The following MARCHF1 variants were observed in gnomAD, a reference collection of about 807,000 sequenced individuals.
MARCHF1 encodes E3 ubiquitin-protein ligase MARCHF1.
In MARCHF1, 40 loss-of-function variants were observed where a neutral mutation model predicts 54.2. That is an observed-to-expected ratio of 0.74 (90% CI 0.57 to 0.96). The LOEUF (loss-of-function observed/expected upper bound fraction) is 0.96. Among genes scored for constraint, MARCHF1 ranks in the 40% least tolerant of loss-of-function variants. MARCHF1 has a pLI of 0.00. For synonymous variants in MARCHF1, 236 were observed against 236.3 expected, an observed-to-expected ratio of 1.00 and a Z score of 0.01; for missense variants, 586 against 656.5, an observed-to-expected ratio of 0.89 and a Z score of 1.17.
At chr4:164,377,257 A>G (rs1054010645) in intron 1 of MARCHF1, among the ~76,000 whole-genome samples, 2 of 152,236 alleles carry the variant, frequency 1.3e-5, no homozygotes. Flanking sequence ...TAAATCATAT[A>G]TCTCTAACAA....
At chr4:164,145,330 G>C (rs983908891) in intron 1 of MARCHF1, among the ~76,000 whole-genome samples, 2 of 151,994 alleles carry the variant, frequency 1.3e-5, no homozygotes, top group African/African-American at 2.4e-5. Context: ...TATGAGGCCA[G>C]CATCATCCTG....
At chr4:164,014,067 C>G (rs1168538608) in intron 2 of MARCHF1, among the ~76,000 whole-genome samples, 5 of 151,930 alleles carry the variant, frequency 3.3e-5, no homozygotes, top group African/African-American at 1.2e-4. Context: ...TGATGCACCT[C>G]TGTACTCCCA....
At chr4:163,670,506 AC>A (rs1471182282) in intron 5 of MARCHF1, among the ~76,000 whole-genome samples, 54 of 150,906 alleles carry the variant, frequency 3.6e-4, no homozygotes, top group Non-Finnish European at 6.5e-4. Flanking sequence ...ATATTTTCTT[AC>A]TTTGTACATT....
At chr4:163,847,956 A>C (rs1021647070) in intron 4 of MARCHF1, among the ~76,000 whole-genome samples, 2 of 152,150 alleles carry the variant, frequency 1.3e-5, no homozygotes, top group Admixed American at 6.6e-5. Context: ...TAAATAACCT[A>C]AAAATTAGAA....
chr4:164,340,405 T>TTTTTTATATATATATATATA (rs1327005165), intron 1 of MARCHF1, among the ~76,000 whole-genome samples: 2 of 95,654 alleles, frequency 2.1e-5, no homozygotes, highest in East Asian at 7.9e-4. Flanking sequence ...AGGCCTTGAT[T>TTTTTTATATATATATATATA]TATATATAGA....
At chr4:164,142,518 A>G (rs1560924166) in intron 1 of MARCHF1, among the ~76,000 whole-genome samples, 1 of 151,836 alleles carries the variant, frequency 6.6e-6, no homozygotes, top group African/African-American at 2.4e-5. Context: ...CTGACCCCTG[A>G]CCCCCCAGCA....
At position 163,717,669 on chromosome 4, in the gene MARCHF1, A is replaced by AC. The variant is rs1203332576; in HGVS notation, c.112-16807dup. Among the ~76,000 whole-genome samples the AC allele has an allele frequency of 7.2e-5, 11 of 152,248 alleles. No homozygotes were observed. In the East Asian group the frequency reaches 2.1e-3, roughly 29 times the overall value. ...CCTCTCCAGCACCTGTTGTTTCCTG[A>AC]CTTTTTAACGACCGCCATTCTAACT... On this transcript the variant is annotated intron_variant, in intron 4 of 9. Transcript: ENST00000514618.
chr4:164,239,629 TG>T (rs939886751), intron 1 of MARCHF1, among the ~76,000 whole-genome samples: 3 of 152,104 alleles, frequency 2.0e-5, no homozygotes, highest in Non-Finnish European at 4.4e-5. Context: ...ATAAGTGTTT[TG>T]ACAAAATTTG....
intron 4 of MARCHF1, among the ~76,000 whole-genome samples, chr4:163,789,310 A>G (rs1289339348): frequency 6.6e-6 from 1 of 151,998 alleles, no homozygotes; most frequent in African/African-American, 2.4e-5. Context: ...AAACACATGG[A>G]CATGTAGAAG....
chr4:163,989,456 T>C (rs922950912), intron 2 of MARCHF1, among the ~76,000 whole-genome samples: 1 of 152,142 alleles, frequency 6.6e-6, no homozygotes, highest in Non-Finnish European at 1.5e-5. Flanking sequence ...TAGAGCTCTA[T>C]ACTACTCATT....
chr4:164,170,669 G>A (rs1263303046), intron 1 of MARCHF1, among the ~76,000 whole-genome samples: 4 of 152,118 alleles, frequency 2.6e-5, no homozygotes, highest in African/African-American at 4.8e-5. Context: ...TTTGGTGGGA[G>A]AAGCCTTCCC....
intron 4 of MARCHF1, among the ~76,000 whole-genome samples, chr4:163,758,743 C>T (rs1255487578): frequency 6.6e-6 from 1 of 152,134 alleles, no homozygotes; most frequent in African/African-American, 2.4e-5. Flanking sequence ...CACTGAATAA[C>T]GTGGGCTTGG....
chr4:164,142,481 C>G (rs571176858), intron 1 of MARCHF1, among the ~76,000 whole-genome samples: 19 of 152,118 alleles, frequency 1.2e-4, no homozygotes, highest in African/African-American at 3.4e-4. Context: ...ATCTGAGAAC[C>G]AGCAGACAGC....
intron 1 of MARCHF1, among the ~76,000 whole-genome samples, chr4:164,183,299 C>G (rs769509800): frequency 1.3e-5 from 2 of 152,066 alleles, no homozygotes; most frequent in Non-Finnish European, 2.9e-5. Context: ...TTAACTTTCC[C>G]AATGTAATGC....
intron 3 of MARCHF1, chr4:163,933,137 T>C (rs1330108929): frequency 4.2e-6 from 4 of 955,818 alleles, no homozygotes; most frequent in East Asian, 6.4e-5. Flanking sequence ...ATACACTGAA[T>C]GAAGATTCAT....
intron 1 of MARCHF1, among the ~76,000 whole-genome samples, chr4:164,301,222 A>G (rs570718998): frequency 4.0e-4 from 61 of 152,336 alleles, no homozygotes; most frequent in African/African-American, 1.4e-3. Flanking sequence ...TAGAGATTGG[A>G]GTACCAGATA....
chr4:164,367,089 G>A (rs1055882848), intron 1 of MARCHF1, among the ~76,000 whole-genome samples: 10 of 152,012 alleles, frequency 6.6e-5, no homozygotes, highest in Admixed American at 2.0e-4. Flanking sequence ...CCCAAGCACC[G>A]GAGAGAGGGA....
chr4:163,968,155 A>C (rs1226798350), intron 3 of MARCHF1, among the ~76,000 whole-genome samples: 1 of 152,180 alleles, frequency 6.6e-6, no homozygotes, highest in Non-Finnish European at 1.5e-5. Flanking sequence ...ACAAGATCAA[A>C]GTCAGGAATT....
intron 1 of MARCHF1, among the ~76,000 whole-genome samples, chr4:164,251,106 C>A (rs900880926): frequency 6.6e-6 from 1 of 152,096 alleles, no homozygotes; most frequent in Non-Finnish European, 1.5e-5. Context: ...AATGTGCTAG[C>A]CATTATGTAA....
Sources: gnomAD v4.1 joint callset for allele counts (sites outside exome capture counted in the v4.1 genomes callset) on GRCh38, gnomAD v4.1.1 for gene constraint, MANE v1.5 for transcripts, NCBI Gene and HGNC (gene_info 2026-07-23, HGNC 2026-07-21) for gene names.